PLCB3: variants seen among roughly 807,000 people sequenced by gnomAD.
PLCB3 encodes phospholipase C beta 3.
PLCB3 carries 54 observed loss-of-function variants against 152.1 expected under a neutral mutation model. The ratio of observed to expected loss-of-function variants is 0.36; its 90% CI spans 0.29 to 0.45. The LOEUF (loss-of-function observed/expected upper bound fraction) is 0.45. Ranked by LOEUF, PLCB3 falls within the 20% of genes least tolerant of loss-of-function variation. PLCB3 has a pLI of 1.00. For missense variants in PLCB3, 1,248 were observed against 1,687.5 expected (o/e 0.74, Z 4.56); for synonymous variants, 717 against 698.7 (o/e 1.03, Z -0.41).
rs759380140 is a variant in PLCB3 at position 64,255,482 on chromosome 11, G to T, written c.521+33G>T. 1.9e-6 allele frequency: 3 copies of T among 1,613,916 alleles called. No homozygotes were observed. Among genetic ancestry groups the T allele is most frequent in the Admixed American group, 1.7e-5 (1 of 60,012 alleles). Reference sequence around the variant, plus strand: ...CCCCTTCCCCCAGCACCTTCCTCCTGCCCTGACCTTGGTGACCTTTGTCCT... The same window carrying T: ...CCCCTTCCCCCAGCACCTTCCTCCTTCCCTGACCTTGGTGACCTTTGTCCT... On this transcript the variant is annotated intron_variant, in intron 6 of 30. Transcript: ENST00000279230. The surrounding 1 kb of genome is among the most constrained non-coding windows in gnomAD (Gnocchi z 6.8).
Position 64,258,336 on chromosome 11 carries a change from G to T in PLCB3, c.1013-137G>T. On this transcript the variant is annotated intron_variant, in intron 10 of 30. Coordinates refer to ENST00000279230, the MANE Select transcript of PLCB3 (RefSeq NM_000932.5). The surrounding 1 kb of genome is among the most constrained non-coding windows in gnomAD (Gnocchi z 7.2). ...GACTCCCCCCAGCTCACGCTGGTGG[G>T]ATGGACAGGTGGTGGGTATCCATCT... 1.1e-6 allele frequency: 1 copy of T among 947,514 alleles called. No homozygotes were observed. Among genetic ancestry groups the T allele is most frequent in the Non-Finnish European group, 1.5e-6 (1 of 647,544 alleles). The allele number at this position is 947,514 out of a possible 1,614,324, so 58.7% of individuals were successfully genotyped here.
rs61734557 is a variant in PLCB3 at position 64,256,432 on chromosome 11, A to G, written c.755A>G (p.Gln252Arg). 26 of 1,613,746 alleles carry G rather than the reference A, an allele frequency of 1.6e-5. No individual in the cohort carries two copies. Among genetic ancestry groups the G allele is most frequent in the African/African-American group, 4.0e-5 (3 of 75,046 alleles). Residue 252 changes from glutamine (Q) to arginine (R), a missense_variant, in exon 9 of 31, where the codon CAG becomes CGG. This residue lies in a region of PLCB3 where 299 missense variants were observed against 434.7 expected (regional missense o/e 0.69). Transcript: ENST00000279230. ...GAGCAGCTCATGGACTTCATCAACC[A>G]GAAGCAACGCGACCCGAGACTCAAC... is the stretch of plus-strand genomic sequence containing the variant. ...TLEQLMDFIN[Q>R]KQRDPRLNEV... is the part of the protein sequence containing the mutation.
intron 22 of PLCB3, 23 bp from the exon 23 acceptor site, chr11:64,264,928 A>C: frequency 6.2e-7 from 1 of 1,612,488 alleles, no homozygotes; most frequent in South Asian, 1.1e-5. Context: ...TTCTGAAAAG[A>C]GCATTCTCCT....
rs759420179 is a variant in PLCB3, at chr11:64,258,708, G to A, written c.1248G>A (p.Val416=). ...YPVILSFENH[V]DSAKQQAKMA... is the part of the protein sequence containing the mutation. ...TCATCCTCTCCTTCGAGAACCATGT[G>A]GACTCGTGAGTGAGCCCCTGGCATG... Residue 416 remains valine, a synonymous_variant, in exon 11 of 31, where the codon GTG becomes GTA. Transcript: ENST00000279230. The surrounding 1 kb of genome is among the most constrained non-coding windows in gnomAD (Gnocchi z 7.2). 6.2e-7 allele frequency: 1 copy of A among 1,613,658 alleles called. No homozygotes were observed. Among genetic ancestry groups the A allele is most frequent in the South Asian group, 1.1e-5 (1 of 91,082 alleles).
intron 8 of PLCB3, among the ~76,000 whole-genome samples, 187 bp downstream of exon 8, chr11:64,256,008 A>G (rs1047495607): frequency 5.3e-5 from 8 of 152,050 alleles, no homozygotes; most frequent in African/African-American, 1.7e-4. Context: ...TCTGCCCCTC[A>G]GTTACAGGCA....
chr11:64,260,794 AG>A (rs2031808105), intron 14 of PLCB3, among the ~76,000 whole-genome samples: 2 of 151,310 alleles, frequency 1.3e-5, no homozygotes. Context: ...AAAAAAAAAA[AG>A]ACATCATTGC....
At position 64,266,389 on chromosome 11, in the gene PLCB3, A is replaced by G; in HGVS notation, c.3341A>G (p.Lys1114Arg). ...ATCTCGGAGGCCAAGATGAGGGACA[A>G]GCATAAGAAGGAGGCGTAAGGGCAC... Reference protein sequence around the residue: ...NSISEAKMRDKHKKEAELTEI... With the variant: ...NSISEAKMRDRHKKEAELTEI... Residue 1114 changes from lysine to arginine, a missense_variant, in exon 28 of 31, where the codon AAG becomes AGG. Coordinates refer to ENST00000279230, the MANE Select transcript of PLCB3 (RefSeq NM_000932.5). The surrounding 1 kb of genome is among the most constrained non-coding windows in gnomAD (Gnocchi z 4.9). The G allele has an allele frequency of 2.5e-6, 4 of 1,608,534 alleles. No homozygotes were observed. The highest frequency in any genetic ancestry group is 3.4e-6 in the Non-Finnish European group (4 of 1,175,292).
rs1413280845 is a variant in PLCB3, at chr11:64,262,746, CGGACCTCTCA to C, written c.2296_2305del (p.Thr766GlyfsTer38). On this transcript the variant is annotated frameshift_variant, in exon 19 of 31. Transcript: ENST00000279230. LOFTEE classifies it high-confidence loss of function. Reference sequence around the variant, plus strand: ...TGATACGCGGCGCAAGTACCGCACCCGGACCTCTCAGGGGAACTCGTTCAACCCCGTGTGG... The same window carrying C: ...TGATACGCGGCGCAAGTACCGCACCCGGGGAACTCGTTCAACCCCGTGTGG... The C allele has an allele frequency of 6.2e-7, 1 of 1,613,856 alleles. No individual in the cohort carries two copies. The highest frequency in any genetic ancestry group is 1.7e-5 in the Admixed American group (1 of 60,024).
intron 19 of PLCB3, 165 bp from the exon 20 acceptor site, chr11:64,263,333 A>G (rs1423224442): frequency 1.7e-6 from 1 of 592,122 alleles, no homozygotes; most frequent in East Asian, 2.8e-5. Context: ...CAGGACATGG[A>G]AGTGGGGTCA....
chr11:64,267,429 G>T lies in PLCB3; in HGVS notation c.3578G>T (p.Gly1193Val), dbSNP rs374705748. 7 of 1,545,760 alleles carry T rather than the reference G, an allele frequency of 4.5e-6. No homozygotes were observed. The highest frequency in any genetic ancestry group is 5.2e-6 in the Non-Finnish European group (6 of 1,146,352). ...CAGGAGATCCGCCGGAGCCTGCTGG[G>T]CGAGATGCCGGAGGGGCTGGGGGAC... The part of the protein sequence containing the change: ...LPQEIRRSLL[G>V]EMPEGLGDGP... The change falls in exon 31 of 31, where the codon GGC (glycine) becomes GTC (valine). Residue 1193 changes from glycine to valine, a missense_variant. By Grantham distance (109) the Gly-to-Val change is moderately radical. This residue lies in a region of PLCB3 where 477 missense variants were observed against 489.6 expected (regional missense o/e 0.97). Transcript: ENST00000279230. The surrounding 1 kb of genome is among the most constrained non-coding windows in gnomAD (Gnocchi z 5.2).
At chr11:64,261,777 G>A in intron 16 of PLCB3, 112 bp downstream of exon 16, 1 of 1,402,168 alleles carries the variant, frequency 7.1e-7, no homozygotes. Context: ...CCCTCCGGCG[G>A]CCCTCCTGCA....
rs371358482 is a variant in PLCB3, at chr11:64,262,784, C to A, written c.2331C>A (p.Asp777Glu). Residue 777 changes from aspartate to glutamate, a missense_variant, in exon 19 of 31, where the codon GAC (aspartate) becomes GAA (glutamate). Physicochemically the swap from Asp to Glu is conservative, Grantham distance 45 (BLOSUM62 2). Around this residue, in one of 6 missense-constraint regions of PLCB3, gnomAD observed 244 missense variants for 424.4 expected, o/e 0.57. Transcript: ENST00000279230. The part of the protein sequence containing the change: ...SQGNSFNPVW[D>E]EEPFDFPKVV... ...GGAACTCGTTCAACCCCGTGTGGGA[C>A]GAAGAGCCCTTCGACTTCCCCAAGG... 7.4e-6 allele frequency: 12 copies of A among 1,613,656 alleles called. No homozygotes were observed. In the African/African-American group the frequency reaches 9.3e-5, roughly 13 times the overall value.
downstream of PLCB3, among the ~76,000 whole-genome samples, chr11:64,268,128 C>A (rs1212137791): frequency 6.6e-6 from 1 of 152,120 alleles, no homozygotes; most frequent in Non-Finnish European, 1.5e-5. Context: ...TGTTCCTGTT[C>A]CCCCATCCCC....
In PLCB3 at chr11:64,265,484, G is replaced by T; in HGVS notation, c.3017G>T (p.Arg1006Leu). Residue 1006 changes from arginine to leucine, a missense_variant, in exon 25 of 31, where the codon CGG becomes CTG. Arg to Leu is a moderately radical substitution (Grantham distance 102). Around this residue, in one of 6 missense-constraint regions of PLCB3, gnomAD observed 477 missense variants for 489.6 expected, o/e 0.97. Coordinates refer to ENST00000279230, the MANE Select transcript of PLCB3 (RefSeq NM_000932.5). ...CAGGCACAGGCTGAGGGCAGGTGCC[G>T]GCTGCGGCCAGGTGCCCTGTGAGTG... ...LAQAQAEGRC[R>L]LRPGALGGAA... 1 of 1,602,724 alleles carries T rather than the reference G, an allele frequency of 6.2e-7. No homozygotes were observed. Among genetic ancestry groups the T allele is most frequent in the Non-Finnish European group, 8.5e-7 (1 of 1,177,974 alleles).
At chr11:64,254,544 A>G in intron 2 of PLCB3, 52 bp downstream of exon 2, 2 of 1,560,858 alleles carry the variant, frequency 1.3e-6, no homozygotes, top group Admixed American at 3.3e-5. Context: ...CCTGTCCCAG[A>G]CCCCTGCCCT....
At chr11:64,253,029 G>T (rs2031318063) in intron 1 of PLCB3, among the ~76,000 whole-genome samples, 1 of 152,236 alleles carries the variant, frequency 6.6e-6, no homozygotes, top group African/African-American at 2.4e-5. Flanking sequence ...AAGTGGGGAG[G>T]CCCATGCATC....
chr11:64,259,917 C>T (rs902630158), intron 13 of PLCB3, 112 bp from the exon 14 acceptor site: 4 of 831,222 alleles, frequency 4.8e-6, no homozygotes, highest in Non-Finnish European at 7.6e-6. Context: ...CCTGAGAGTA[C>T]CCCTTGAATT....
Position 64,266,286 on chromosome 11 carries a change from C to T in PLCB3, c.3267-29C>T, listed in dbSNP as rs1565338847. On this transcript the variant is annotated intron_variant, in intron 27 of 30. Coordinates refer to ENST00000279230, the MANE Select transcript of PLCB3 (RefSeq NM_000932.5). This position sits in a 1 kb window ranked among gnomAD's most constrained non-coding sequence, Gnocchi z 4.9. ...CAGAGTCTGTGCTTCTGCCGCTGAC[C>T]CCTCCTCTTCCCCTGCCGGCTTCTC... 2.5e-6 allele frequency: 4 copies of T among 1,613,560 alleles called. No individual in the cohort carries two copies. Among genetic ancestry groups the T allele is most frequent in the Non-Finnish European group, 3.4e-6 (4 of 1,179,924 alleles).
intron 14 of PLCB3, among the ~76,000 whole-genome samples, 175 bp from the exon 15 acceptor site, chr11:64,261,225 A>G (rs1395054011): frequency 1.3e-5 from 2 of 152,178 alleles, no homozygotes; most frequent in African/African-American, 4.8e-5. Flanking sequence ...AAATTGCTTG[A>G]GCTGGGTGGT....
Sources: gnomAD v4.1 joint callset for allele counts (sites outside exome capture counted in the v4.1 genomes callset) on GRCh38, gnomAD v4.1.1 for gene constraint, gnomAD v4.1.1 regional missense constraint, Gnocchi (gnomAD v3.1) non-coding constraint, MANE v1.5 for transcripts, NCBI Gene and HGNC (gene_info 2026-07-23, HGNC 2026-07-21) for gene names.